The following ZFPM2 variants were observed in gnomAD, a reference collection of about 807,000 sequenced individuals.
The protein encoded by ZFPM2 is zinc finger protein ZFPM2.
A neutral mutation model predicts 98.6 loss-of-function variants in ZFPM2; 20 were observed. The ratio of observed to expected loss-of-function variants is 0.20; its 90% CI spans 0.14 to 0.29. The LOEUF is 0.29. Among genes scored for constraint, ZFPM2 ranks in the 10% least tolerant of loss-of-function variants. The probability of loss-of-function intolerance (pLI) is 1.00; values close to 1 mark genes in which losing one functional copy is unlikely to be tolerated. For missense variants in ZFPM2, 1,310 were observed against 1,388.6 expected (o/e 0.94, Z 0.90); for synonymous variants, 518 against 502.7 (o/e 1.03, Z -0.41).
intron 1 of ZFPM2, among the ~76,000 whole-genome samples, chr8:105,350,701 CTT>C (rs1812624314): frequency 1.3e-5 from 2 of 152,104 alleles, no homozygotes; most frequent in African/African-American, 4.8e-5. Context: ...TTAGTATACT[CTT>C]TACTTATTCA....
chr8:105,790,924 T>C (rs540502871), intron 6 of ZFPM2, among the ~76,000 whole-genome samples: 2 of 152,324 alleles, frequency 1.3e-5, no homozygotes, highest in African/African-American at 4.8e-5. Flanking sequence ...TGCTTGTGAT[T>C]TTTGTACATT....
intron 4 of ZFPM2, among the ~76,000 whole-genome samples, chr8:105,569,057 G>A (rs1815301390): frequency 6.6e-6 from 1 of 151,550 alleles, no homozygotes; most frequent in Non-Finnish European, 1.5e-5. Context: ...CACTTCCAAG[G>A]TAGACCTTCT....
In ZFPM2 at chr8:105,646,132, C is replaced by G. The variant is rs565055555; in HGVS notation, c.532+11775C>G. Among the ~76,000 whole-genome samples the G allele has an allele frequency of 6.8e-5, 10 of 146,458 alleles. No homozygotes were observed. The East Asian group carries it at 2.0e-3, about 29-fold the overall frequency. ...CATGCTTCTCTATGGGACACGTGTT[C>G]AAAAAAAAAATAATAATGGTGGCAT... On this transcript the variant is annotated intron_variant, in intron 5 of 7. Coordinates refer to ENST00000407775, the MANE Select transcript of ZFPM2 (RefSeq NM_012082.4).
intron 4 of ZFPM2, among the ~76,000 whole-genome samples, chr8:105,601,305 C>CAGATG (rs1816087303): frequency 6.6e-6 from 1 of 152,092 alleles, no homozygotes. Context: ...GTAGGGCCTG[C>CAGATG]AGATGGCAGT....
At chr8:105,342,945 A>T (rs535506170) in intron 1 of ZFPM2, among the ~76,000 whole-genome samples, 1 of 152,022 alleles carries the variant, frequency 6.6e-6, no homozygotes, top group East Asian at 1.9e-4. Context: ...AAGTATAACA[A>T]TCTTCTGGAG....
intron 6 of ZFPM2, among the ~76,000 whole-genome samples, chr8:105,792,109 AGTT>A (rs1813633090): frequency 1.3e-5 from 2 of 151,840 alleles, no homozygotes; most frequent in African/African-American, 4.8e-5. Flanking sequence ...CTCTGATTTT[AGTT>A]ATTTCTTGCC....
chr8:105,696,004 C>A (rs753656199), intron 5 of ZFPM2, among the ~76,000 whole-genome samples: 17 of 152,104 alleles, frequency 1.1e-4, no homozygotes, highest in Non-Finnish European at 2.1e-4. Context: ...TATATTTTTC[C>A]CACTTTCTTT....
intron 4 of ZFPM2, among the ~76,000 whole-genome samples, chr8:105,583,030 G>A (rs529024354): frequency 5.3e-5 from 8 of 152,246 alleles, no homozygotes; most frequent in African/African-American, 1.9e-4. Flanking sequence ...TAGAAATTTG[G>A]ATAGTTTCCT....
At chr8:105,766,127 A>T (rs1812848958) in intron 5 of ZFPM2, among the ~76,000 whole-genome samples, 1 of 151,916 alleles carries the variant, frequency 6.6e-6, no homozygotes, top group Non-Finnish European at 1.5e-5. Flanking sequence ...AGTGCAGAGC[A>T]TGGAGGGAGA....
chr8:105,580,892 C>T (rs1202967485), intron 4 of ZFPM2, among the ~76,000 whole-genome samples: 1 of 149,954 alleles, frequency 6.7e-6, no homozygotes, highest in Non-Finnish European at 1.5e-5. Context: ...CTAATTAATT[C>T]CCTTATATTG....
intron 5 of ZFPM2, among the ~76,000 whole-genome samples, chr8:105,770,974 C>T (rs2131090863): frequency 6.6e-6 from 1 of 152,244 alleles, no homozygotes; most frequent in East Asian, 1.9e-4. Flanking sequence ...TCTTGCTCTG[C>T]TCACTCCTGG....
chr8:105,749,949 G>A lies in ZFPM2; in HGVS notation c.533-38769G>A, dbSNP rs1812438279. 2.0e-5 allele frequency among the ~76,000 whole-genome samples: 3 copies of A among 152,012 alleles called. No individual in the cohort carries two copies. The South Asian group carries it at 6.2e-4, about 32-fold the overall frequency. ...AATATTTTAGGGAGAAAGTATGCAGGTATGAGTACACAAGATTTATCCTGG... is the reference window on the plus strand; with the variant it reads ...AATATTTTAGGGAGAAAGTATGCAGATATGAGTACACAAGATTTATCCTGG... On this transcript the variant is annotated intron_variant, in intron 5 of 7. Transcript: ENST00000407775.
chr8:105,715,248 A>G (rs1811490455), intron 5 of ZFPM2, among the ~76,000 whole-genome samples: 2 of 152,092 alleles, frequency 1.3e-5, no homozygotes, highest in South Asian at 4.2e-4. Context: ...AAAAAATAGA[A>G]AATTAGGCAG....
chr8:105,682,139 A>G (rs1462591237), intron 5 of ZFPM2, among the ~76,000 whole-genome samples: 2 of 152,226 alleles, frequency 1.3e-5, no homozygotes. Context: ...TCAAGCCATT[A>G]CAAGCAATGT....
chr8:105,697,678 A>G (rs1281404622), intron 5 of ZFPM2, among the ~76,000 whole-genome samples: 2 of 152,186 alleles, frequency 1.3e-5, no homozygotes, highest in African/African-American at 2.4e-5. Context: ...TGCACATGAA[A>G]AAATTAGATA....
chr8:105,354,933 G>A (rs573594188), intron 1 of ZFPM2, among the ~76,000 whole-genome samples: 33 of 152,032 alleles, frequency 2.2e-4, no homozygotes, highest in South Asian at 1.9e-3. Context: ...CAGCCTGGGC[G>A]ACAGAGCAAG....
At chr8:105,341,989 T>C (rs1204666199) in intron 1 of ZFPM2, among the ~76,000 whole-genome samples, 2 of 152,076 alleles carry the variant, frequency 1.3e-5, no homozygotes, top group Admixed American at 6.6e-5. Flanking sequence ...TGTAAACCTC[T>C]GCTCAGGGAG....
intron 6 of ZFPM2, among the ~76,000 whole-genome samples, chr8:105,794,244 G>A (rs1236284345): frequency 2.0e-5 from 3 of 152,096 alleles, no homozygotes; most frequent in South Asian, 2.1e-4. Context: ...ATGTACAGAT[G>A]GGTTTTTGGT....
chr8:105,323,077 A>G (rs1563603374), intron 1 of ZFPM2, among the ~76,000 whole-genome samples: 1 of 151,822 alleles, frequency 6.6e-6, no homozygotes, highest in Non-Finnish European at 1.5e-5. Context: ...CTATAACCTT[A>G]AAATTATGTT....
Sources: gnomAD v4.1 joint callset for allele counts (sites outside exome capture counted in the v4.1 genomes callset) on GRCh38, gnomAD v4.1.1 for gene constraint, MANE v1.5 for transcripts, NCBI Gene and HGNC (gene_info 2026-07-23, HGNC 2026-07-21) for gene names.